The following CSMD2 variants were observed in gnomAD, a reference collection of about 807,000 sequenced individuals.
CSMD2 encodes the protein CUB and sushi domain-containing protein 2.
Under a neutral mutation model 398.5 loss-of-function variants are expected in CSMD2, and 130 were observed. The ratio of observed to expected loss-of-function variants is 0.33; its 90% CI spans 0.28 to 0.38. The LOEUF (loss-of-function observed/expected upper bound fraction) is 0.38. Ranked by LOEUF, CSMD2 falls within the 10% of genes least tolerant of loss-of-function variation. The pLI is 1.00. For synonymous variants in CSMD2, 1,828 were observed against 1,908.5 expected (o/e 0.96, Z 1.10); for missense variants, 3,829 against 4,764.9 (o/e 0.80, Z 5.78).
intron 44 of CSMD2, among the ~76,000 whole-genome samples, chr1:33,594,060 G>T (rs1639679471): frequency 6.6e-6 from 1 of 151,972 alleles, no homozygotes; most frequent in Non-Finnish European, 1.5e-5. Context: ...ATAATTATTT[G>T]TAGTCTTTTA....
intron 62 of CSMD2, among the ~76,000 whole-genome samples, chr1:33,535,047 C>T (rs1334356009): frequency 6.6e-6 from 1 of 152,214 alleles, no homozygotes; most frequent in Non-Finnish European, 1.5e-5. Context: ...GTGTCACCTT[C>T]AAATGGCATT....
intron 44 of CSMD2, chr1:33,600,232 C>A: frequency 1.4e-6 from 1 of 708,364 alleles, no homozygotes; most frequent in Non-Finnish European, 2.6e-6. Context: ...GTTAAAATAT[C>A]TGCAGTGATC....
intron 3 of CSMD2, among the ~76,000 whole-genome samples, chr1:33,986,871 G>C (rs1006395535): frequency 6.6e-6 from 1 of 152,186 alleles, no homozygotes; most frequent in Non-Finnish European, 1.5e-5. Context: ...TGCAGCCCCT[G>C]ATTGCAATGT....
At chr1:34,028,349 T>A (rs1405238160) in intron 3 of CSMD2, among the ~76,000 whole-genome samples, 1 of 152,072 alleles carries the variant, frequency 6.6e-6, no homozygotes, top group Non-Finnish European at 1.5e-5. Flanking sequence ...AATAAGTATA[T>A]TTGGGGTATA....
chr1:33,819,911 A>G, intron 8 of CSMD2, 74 bp from the exon 9 acceptor site: 2 of 1,585,362 alleles, frequency 1.3e-6, no homozygotes, highest in South Asian at 2.3e-5. Context: ...TCCTGGTTCC[A>G]CAAAGAAGCC....
At chr1:33,989,060 ATATATATATG>A (rs1646463754) in intron 3 of CSMD2, among the ~76,000 whole-genome samples, 2 of 112,044 alleles carry the variant, frequency 1.8e-5, no homozygotes, top group Non-Finnish European at 3.6e-5. Context: ...ATATATATAT[ATATATATATG>A]GATGCATAAA....
intron 10 of CSMD2, among the ~76,000 whole-genome samples, chr1:33,800,201 A>T (rs1164435293): frequency 6.6e-6 from 1 of 152,208 alleles, no homozygotes; most frequent in Non-Finnish European, 1.5e-5. Context: ...AAAGGAAGGG[A>T]ACTCACTTTT....
intron 3 of CSMD2, among the ~76,000 whole-genome samples, chr1:33,996,240 C>A (rs1646722851): frequency 6.6e-6 from 1 of 152,234 alleles, no homozygotes; most frequent in Non-Finnish European, 1.5e-5. Flanking sequence ...ATCTGCCACA[C>A]TTTCCTTCTG....
intron 49 of CSMD2, among the ~76,000 whole-genome samples, chr1:33,573,505 GA>G (rs1659785001): frequency 6.9e-6 from 1 of 145,816 alleles, no homozygotes. Context: ...AGTGTGCTCT[GA>G]AGGAAAAAAA....
At chr1:33,935,985 A>C (rs1570559841) in intron 3 of CSMD2, 31 bp from the exon 4 acceptor site, 3 of 1,577,662 alleles carry the variant, frequency 1.9e-6, no homozygotes, top group Non-Finnish European at 2.6e-6. Flanking sequence ...AGAGACGGGT[A>C]CCCCGTGAGC....
chr1:33,933,219 A>G (rs1375200338), intron 4 of CSMD2, among the ~76,000 whole-genome samples: 2 of 152,182 alleles, frequency 1.3e-5, no homozygotes, highest in Non-Finnish European at 1.5e-5. Flanking sequence ...AGAAAAATGG[A>G]CCCAGTTCCC....
chr1:33,978,067 A>G (rs2147943981), intron 3 of CSMD2, among the ~76,000 whole-genome samples: 1 of 152,210 alleles, frequency 6.6e-6, no homozygotes. Flanking sequence ...TTATCCTTGC[A>G]GCAACTCAGC....
At chr1:33,912,061 T>C (rs1400289871) in intron 5 of CSMD2, among the ~76,000 whole-genome samples, 1 of 152,160 alleles carries the variant, frequency 6.6e-6, no homozygotes, top group Non-Finnish European at 1.5e-5. Context: ...CTTGGTCTCC[T>C]GCCCCAGGAC....
intron 5 of CSMD2, among the ~76,000 whole-genome samples, chr1:33,869,738 G>A (rs901952118): frequency 2.0e-5 from 3 of 152,124 alleles, no homozygotes; most frequent in African/African-American, 7.2e-5. Flanking sequence ...CATCTGGCTG[G>A]TGGGTTTGGG....
chr1:33,538,689 G>A (rs1656035314), intron 60 of CSMD2, among the ~76,000 whole-genome samples: 1 of 152,248 alleles, frequency 6.6e-6, no homozygotes, highest in Non-Finnish European at 1.5e-5. Context: ...CGGCTGACAA[G>A]TGAAGAGCAA....
chr1:33,700,878 T>A (rs796332604), intron 22 of CSMD2, among the ~76,000 whole-genome samples: 1 of 152,228 alleles, frequency 6.6e-6, no homozygotes, highest in South Asian at 2.1e-4. Context: ...GTCAGTTCTA[T>A]GCTCAGCCCA....
At chr1:33,993,775 G>C (rs2148006100) in intron 3 of CSMD2, among the ~76,000 whole-genome samples, 1 of 152,060 alleles carries the variant, frequency 6.6e-6, no homozygotes, top group South Asian at 2.1e-4. Context: ...GCCCCACCCA[G>C]TTGCTTTCTC....
intron 46 of CSMD2, among the ~76,000 whole-genome samples, chr1:33,586,188 G>A (rs1376633169): frequency 1.3e-5 from 2 of 152,098 alleles, no homozygotes; most frequent in African/African-American, 4.8e-5. Context: ...ACCAGGGAGG[G>A]ACTTCCTCCT....
At chr1:33,697,356 A>G (rs774617559) in intron 24 of CSMD2, among the ~76,000 whole-genome samples, 2 of 152,122 alleles carry the variant, frequency 1.3e-5, no homozygotes, top group African/African-American at 2.4e-5. Context: ...ATATAAAAAG[A>G]GATGGAGGGC....
Sources: gnomAD v4.1 joint callset for allele counts (sites outside exome capture counted in the v4.1 genomes callset) on GRCh38, gnomAD v4.1.1 for gene constraint, MANE v1.5 for transcripts, NCBI Gene and HGNC (gene_info 2026-07-23, HGNC 2026-07-21) for gene names.